The following AMBRA1 variants were observed in gnomAD, a reference collection of about 807,000 sequenced individuals.
AMBRA1 encodes autophagy and beclin 1 regulator 1.
A neutral mutation model predicts 125.4 loss-of-function variants in AMBRA1; 47 were observed. That is an observed-to-expected ratio of 0.37 (90% CI 0.30 to 0.48). AMBRA1 has a LOEUF of 0.48. Ranked by LOEUF, AMBRA1 falls within the 20% of genes least tolerant of loss-of-function variation. AMBRA1 has a pLI of 0.99. For missense variants in AMBRA1, 1,331 were observed against 1,693.4 expected, an observed-to-expected ratio of 0.79 and a Z score of 3.76; for synonymous variants, 626 against 655.5, an observed-to-expected ratio of 0.95 and a Z score of 0.69.
chr11:46,478,072 T>G (rs951457555), intron 11 of AMBRA1, among the ~76,000 whole-genome samples: 2 of 152,090 alleles, frequency 1.3e-5, no homozygotes, highest in African/African-American at 4.8e-5. Flanking sequence ...TGTCTCTATG[T>G]GACCTGAGGC....
At chr11:46,493,357 G>A (rs1950530504) in intron 11 of AMBRA1, among the ~76,000 whole-genome samples, 1 of 151,902 alleles carries the variant, frequency 6.6e-6, no homozygotes, top group Non-Finnish European at 1.5e-5. Flanking sequence ...AGAAACAAAT[G>A]GTTTAAACAA....
chr11:46,546,007 T>G, intron 4 of AMBRA1: 1 of 486,576 alleles, frequency 2.1e-6, no homozygotes, highest in Non-Finnish European at 3.7e-6. Flanking sequence ...CTACAAGCAT[T>G]AAGCATATAT....
chr11:46,427,287 T>G (rs953824598), intron 14 of AMBRA1, among the ~76,000 whole-genome samples: 1 of 152,186 alleles, frequency 6.6e-6, no homozygotes, highest in African/African-American at 2.4e-5. Flanking sequence ...ATCCCAAGTT[T>G]TTTCTATGGT....
intron 7 of AMBRA1, among the ~76,000 whole-genome samples, chr11:46,530,966 T>A (rs1214304338): frequency 6.6e-6 from 1 of 152,194 alleles, no homozygotes; most frequent in African/African-American, 2.4e-5. Flanking sequence ...TCACTGCAAC[T>A]TCCACCTCCC....
intron 7 of AMBRA1, among the ~76,000 whole-genome samples, chr11:46,525,803 T>C (rs1306869501): frequency 6.6e-6 from 1 of 151,450 alleles, no homozygotes; most frequent in Admixed American, 6.6e-5. Flanking sequence ...TCCCAGCTAC[T>C]TGTGAGGCTG....
At chr11:46,419,552 A>G (rs1217592448) in intron 14 of AMBRA1, among the ~76,000 whole-genome samples, 1 of 152,202 alleles carries the variant, frequency 6.6e-6, no homozygotes, top group African/African-American at 2.4e-5. Context: ...TCTCTTCACA[A>G]ATGATCATCA....
At chr11:46,563,400 A>G (rs1356560886) in intron 1 of AMBRA1, among the ~76,000 whole-genome samples, 2 of 151,922 alleles carry the variant, frequency 1.3e-5, no homozygotes, top group African/African-American at 4.8e-5. Flanking sequence ...AATTTTCTTT[A>G]TTTTTTGTAG....
intron 7 of AMBRA1, among the ~76,000 whole-genome samples, chr11:46,526,507 G>A (rs1054845547): frequency 2.1e-5 from 3 of 143,058 alleles, no homozygotes; most frequent in African/African-American, 7.8e-5. Flanking sequence ...TGCTATCCCT[G>A]TCATCTATAT....
intron 14 of AMBRA1, among the ~76,000 whole-genome samples, chr11:46,429,400 C>T (rs1289078021): frequency 3.9e-5 from 6 of 152,242 alleles, no homozygotes; most frequent in Non-Finnish European, 5.9e-5. Flanking sequence ...CCACTTCTTA[C>T]TAAACCACTT....
At chr11:46,470,588 C>CAAAAAA (rs766521795) in intron 11 of AMBRA1, among the ~76,000 whole-genome samples, 2 of 53,450 alleles carry the variant, frequency 3.7e-5, no homozygotes, top group African/African-American at 1.4e-4. Context: ...GACTCCGTCT[C>CAAAAAA]AAAAAAAAAA....
Position 46,577,677 on chromosome 11 carries a change from G to A in AMBRA1, c.-121+16151C>T, listed in dbSNP as rs557124189. On this transcript the variant is annotated intron_variant, in intron 1 of 17. Coordinates refer to ENST00000683756, the MANE Select transcript of AMBRA1 (RefSeq NM_001387011.1). ...AAAAAGAAAAAAAATTCAGCCAGGC[G>A]CGGTGGCTCATGCCTATAATGCCAG... Among the ~76,000 whole-genome samples the A allele has an allele frequency of 5.3e-4, 81 of 152,204 alleles. 2 individuals carry two copies. The South Asian group carries it at 0.016, about 29-fold the overall frequency.
At chr11:46,593,339 T>C (rs1465932551) in intron 1 of AMBRA1, among the ~76,000 whole-genome samples, 1 of 152,070 alleles carries the variant, frequency 6.6e-6, no homozygotes, top group Non-Finnish European at 1.5e-5. Context: ...CAGCCTCAGT[T>C]TACCCACCCA....
Position 46,397,494 on chromosome 11 carries a change from T to C in AMBRA1, c.3853A>G (p.Arg1285Gly). The C allele has an allele frequency of 1.3e-6, 2 of 1,527,152 alleles. No individual in the cohort carries two copies. Among genetic ancestry groups the C allele is most frequent in the Non-Finnish European group, 1.8e-6 (2 of 1,135,566 alleles). The allele number at this position is 1,527,152 out of a possible 1,614,324, so 94.6% of individuals were successfully genotyped here. A position where few individuals can be genotyped will look rare whatever the true frequency, so the allele number is the denominator to read the frequency against. Reference protein sequence around the residue: ...NNHLLDGGSSRGDAAGPRGEP... With the variant: ...NNHLLDGGSSGGDAAGPRGEP... ...CCCCTAGGGCCTGCAGCGTCCCCCC[T>C]GCTGCTGCCACCATCCAGAAGGTGG... is the stretch of plus-strand genomic sequence containing the variant. The change falls in exon 18 of 18, where the codon AGG (arginine) becomes GGG (glycine). Residue 1285 changes from arginine (R) to glycine (G), a missense_variant. By Grantham distance (125) the Arg-to-Gly change is moderately radical. Transcript: ENST00000683756.
At chr11:46,563,659 G>A (rs905788485) in intron 1 of AMBRA1, among the ~76,000 whole-genome samples, 7 of 152,052 alleles carry the variant, frequency 4.6e-5, no homozygotes, top group African/African-American at 9.7e-5. Context: ...GGCCAATGTA[G>A]TGAAACCCCG....
At chr11:46,510,872 A>G (rs1590989803) in intron 8 of AMBRA1, among the ~76,000 whole-genome samples, 2 of 152,356 alleles carry the variant, frequency 1.3e-5, no homozygotes, top group Middle Eastern at 6.8e-3. Flanking sequence ...AGTAACAATC[A>G]TCCTCCTAAC....
At chr11:46,527,649 T>G (rs1350728644) in intron 7 of AMBRA1, among the ~76,000 whole-genome samples, 1 of 152,082 alleles carries the variant, frequency 6.6e-6, no homozygotes, top group African/African-American at 2.4e-5. Context: ...AAGACTTGCA[T>G]GCACATTTCT....
chr11:46,402,529 T>A (rs950728637), intron 17 of AMBRA1, among the ~76,000 whole-genome samples: 39 of 151,536 alleles, frequency 2.6e-4, no homozygotes, highest in Non-Finnish European at 4.0e-4. Context: ...ACTTAGCTAA[T>A]TTTTTTTTGT....
intron 7 of AMBRA1, among the ~76,000 whole-genome samples, chr11:46,521,273 G>A (rs1221249785): frequency 6.6e-6 from 1 of 152,244 alleles, no homozygotes; most frequent in Non-Finnish European, 1.5e-5. Context: ...TTAAAGTGCT[G>A]ACATAGTTGT....
intron 7 of AMBRA1, among the ~76,000 whole-genome samples, chr11:46,529,151 C>T (rs1952107311): frequency 6.6e-6 from 1 of 152,184 alleles, no homozygotes; most frequent in South Asian, 2.1e-4. Flanking sequence ...GTCCAAGGTG[C>T]TCTGCAAAAG....
Sources: allele counts gnomAD v4.1 joint callset (sites outside exome capture counted in the v4.1 genomes callset), GRCh38; gene constraint gnomAD v4.1.1; transcripts MANE v1.5; gene names NCBI Gene and HGNC (gene_info 2026-07-23, HGNC 2026-07-21).